The following RASAL3 variants were observed in gnomAD, a reference collection of about 807,000 sequenced individuals.
RASAL3 encodes the protein RAS protein activator like 3.
RASAL3 carries 74 observed loss-of-function variants against 105.5 expected under a neutral mutation model. That is an observed-to-expected ratio of 0.70 (90% CI 0.58 to 0.85). The LOEUF is 0.85. Among genes scored for constraint, RASAL3 ranks in the 40% least tolerant of loss-of-function variants. The pLI, the probability that RASAL3 is intolerant of heterozygous loss-of-function variation, is 0.00. For missense variants in RASAL3, 1,352 were observed against 1,392.0 expected (o/e 0.97, Z 0.46); for synonymous variants, 579 against 591.6 (o/e 0.98, Z 0.31).
intron 8 of RASAL3, chr19:15,458,060 G>A: frequency 3.1e-6 from 2 of 636,346 alleles, no homozygotes; most frequent in Non-Finnish European, 5.4e-6. Context: ...GGGCATACAA[G>A]AGTAGTACTG....
Position 15,460,262 on chromosome 19 carries a change from T to C in RASAL3, c.607-4A>G. The C allele has an allele frequency of 6.2e-7, 1 of 1,605,930 alleles. No individual in the cohort carries two copies. Among genetic ancestry groups the C allele is most frequent in the Admixed American group, 1.7e-5 (1 of 59,114 alleles). ...CTTTCAGCCTCTTGAGCAACCCCTG[T>C]GGGGAAGGGAATGTCAGCTGGACAG... is the stretch of plus-strand genomic sequence containing the variant. On this transcript the variant is annotated splice_region_variant and splice_polypyrimidine_tract_variant and intron_variant, in intron 5 of 17. Transcript: ENST00000343625.
chr19:15,463,371 G>A (rs1599754988), intron 2 of RASAL3, among the ~76,000 whole-genome samples: 1 of 152,094 alleles, frequency 6.6e-6, no homozygotes, highest in Admixed American at 6.5e-5. Context: ...GGGATTACAG[G>A]TGTGAGCCAT....
intron 12 of RASAL3, 30 bp from the exon 13 acceptor site, chr19:15,454,592 G>T (rs538309843): frequency 1.2e-6 from 2 of 1,612,928 alleles, no homozygotes; most frequent in Non-Finnish European, 1.7e-6. Context: ...GGTGGGTCAG[G>T]TCAGGCACCT....
chr19:15,457,914 C>T lies in RASAL3; in HGVS notation c.889-80G>A, dbSNP rs1489166316. 7 of 1,487,312 alleles carry T rather than the reference C, an allele frequency of 4.7e-6. No individual in the cohort carries two copies. In the East Asian group the frequency reaches 1.2e-4, roughly 27 times the overall value. 92.1% of individuals were successfully genotyped at this position (1,487,312 alleles called of 1,614,324 possible). On this transcript the variant is annotated intron_variant, in intron 8 of 17. Transcript: ENST00000343625. This position sits in a 1 kb window ranked among gnomAD's most constrained non-coding sequence, Gnocchi z 8.6. ...AAGGCACCGCAAGTGAAGCGTGGAG[C>T]CTCAAACCTGTTGCGTCGGGTCCCT...
intron 6 of RASAL3, among the ~76,000 whole-genome samples, chr19:15,459,905 A>AC (rs1304181315): frequency 1.3e-5 from 2 of 151,134 alleles, no homozygotes; most frequent in African/African-American, 2.4e-5. Context: ...TGCTTTTTCC[A>AC]CCCCCCTGTT....
chr19:15,457,411 A>T lies in RASAL3; in HGVS notation c.1312T>A (p.Phe438Ile), dbSNP rs1345321380. Reference sequence around the variant, plus strand: ...AGGCGCGCATAGTGGAAGGTGAGGAACTCCGCCAGCTCCTTGTAGCGCTCG... The same window carrying T: ...AGGCGCGCATAGTGGAAGGTGAGGATCTCCGCCAGCTCCTTGTAGCGCTCG... The part of the protein sequence containing the change: ...PSERYKELAE[F>I]LTFHYARLCG... Residue 438 changes from phenylalanine to isoleucine, a missense_variant, in exon 9 of 18, where the codon TTC becomes ATC. This residue lies in a region of RASAL3 where 920 missense variants were observed against 919.6 expected (regional missense o/e 1.00). Coordinates refer to ENST00000343625, the MANE Select transcript of RASAL3 (RefSeq NM_022904.3). The surrounding 1 kb of genome is among the most constrained non-coding windows in gnomAD (Gnocchi z 8.6). 8 of 1,449,156 alleles carry T rather than the reference A, an allele frequency of 5.5e-6. No individual in the cohort carries two copies. The highest frequency in any genetic ancestry group is 6.3e-6 in the Non-Finnish European group (7 of 1,104,952). 89.8% of individuals were successfully genotyped at this position (1,449,156 alleles called of 1,614,324 possible). A position where few individuals can be genotyped will look rare whatever the true frequency, so the allele number is the denominator to read the frequency against.
At position 15,454,521 on chromosome 19, in the gene RASAL3, A is replaced by T. The variant is rs1188853494; in HGVS notation, c.2000T>A (p.Phe667Tyr). Residue 667 changes from phenylalanine to tyrosine, a missense_variant, in exon 13 of 18, where the codon TTC becomes TAC. Phe to Tyr is a conservative substitution (Grantham distance 22). Around this residue, in one of 3 missense-constraint regions of RASAL3, gnomAD observed 920 missense variants for 919.6 expected, o/e 1.00. Coordinates refer to ENST00000343625, the MANE Select transcript of RASAL3 (RefSeq NM_022904.3). ...KEAYMGFMNS[F>Y]LEEHGPAMQC... ...CATGGCTGGTCCATGTTCCTCCAGG[A>T]AGCTATTCATGAAGCCCATGTAGGC... is the stretch of plus-strand genomic sequence containing the variant. 6.2e-7 allele frequency: 1 copy of T among 1,613,958 alleles called. No homozygotes were observed. Among genetic ancestry groups the T allele is most frequent in the Non-Finnish European group, 8.5e-7 (1 of 1,179,886 alleles).
intron 17 of RASAL3, 51 bp from the exon 18 acceptor site, chr19:15,451,989 C>T: frequency 6.2e-7 from 1 of 1,613,796 alleles, no homozygotes; most frequent in Non-Finnish European, 8.5e-7. Flanking sequence ...GGCTGCACCG[C>T]AACCCTTGCT....
rs770241538 is a variant in RASAL3, at chr19:15,464,023, C to A, written c.328+8G>T. On this transcript the variant is annotated splice_region_variant and intron_variant, in intron 2 of 17. Transcript: ENST00000343625. ...CCGGCCCAAGCTCAGGGTGGGGGAA[C>A]CATGTACCTGGGGCCTCCTGCTCCG... The A allele has an allele frequency of 6.5e-6, 10 of 1,541,118 alleles. No individual in the cohort carries two copies. In the South Asian group the frequency reaches 1.1e-4, roughly 17 times the overall value.
In RASAL3 at chr19:15,463,132, C is replaced by T. The variant is rs192653605; in HGVS notation, c.328+899G>A. ...ATGGAGTCTCCCTCTGTCGCCCAGGCGGGAGTGCAGTAGTGCAATCTCAGC... is the reference window on the plus strand; with the variant it reads ...ATGGAGTCTCCCTCTGTCGCCCAGGTGGGAGTGCAGTAGTGCAATCTCAGC... On this transcript the variant is annotated intron_variant, in intron 2 of 17. Coordinates refer to ENST00000343625, the MANE Select transcript of RASAL3 (RefSeq NM_022904.3). 1.3e-3 allele frequency among the ~76,000 whole-genome samples: 200 copies of T among 148,576 alleles called. 1 individual carries two copies. Among genetic ancestry groups the T allele is most frequent in the Non-Finnish European group, 2.3e-3 (158 of 67,352 alleles).
chr19:15,456,049 C>A lies in RASAL3; in HGVS notation c.1721+55G>T. 1 of 1,577,802 alleles carries A rather than the reference C, an allele frequency of 6.3e-7. No individual in the cohort carries two copies. Among genetic ancestry groups the A allele is most frequent in the South Asian group, 1.1e-5 (1 of 88,034 alleles). On this transcript the variant is annotated intron_variant, in intron 11 of 17. Coordinates refer to ENST00000343625, the MANE Select transcript of RASAL3 (RefSeq NM_022904.3). The surrounding 1 kb of genome is among the most constrained non-coding windows in gnomAD (Gnocchi z 4.4). ...TATCTGGCCACCCTAAACTGGAGGT[C>A]GGGGCTAGCATGGTAAGCAGGGGTG...
At position 15,453,170 on chromosome 19, in the gene RASAL3, C is replaced by T. The variant is rs752292289; in HGVS notation, c.2607G>A (p.Gln869=). The change falls in exon 15 of 18, where the codon CAG becomes CAA. Residue 869 remains glutamine, a synonymous_variant. Coordinates refer to ENST00000343625, the MANE Select transcript of RASAL3 (RefSeq NM_022904.3). The surrounding 1 kb of genome is among the most constrained non-coding windows in gnomAD (Gnocchi z 4.2). ...GGTCTTGCGGCTGGTCCATTTGGCG[C>T]TGCCAGGGTACCGACGGCTTCCGAG... ...SLPRKPSVPW[Q]RQMDQPQDRN... 1 of 1,613,368 alleles carries T rather than the reference C, an allele frequency of 6.2e-7. No individual in the cohort carries two copies. Among genetic ancestry groups the T allele is most frequent in the Non-Finnish European group, 8.5e-7 (1 of 1,179,638 alleles).
chr19:15,455,776 C>T (rs954509023), intron 11 of RASAL3, among the ~76,000 whole-genome samples: 1 of 152,188 alleles, frequency 6.6e-6, no homozygotes, highest in Non-Finnish European at 1.5e-5. Flanking sequence ...CCTCCAGCCT[C>T]GGCTGGGAAT....
Position 15,456,988 on chromosome 19 carries a change from C to T in RASAL3, c.1431+304G>A, listed in dbSNP as rs1217113514. On this transcript the variant is annotated intron_variant, in intron 9 of 17. Coordinates refer to ENST00000343625, the MANE Select transcript of RASAL3 (RefSeq NM_022904.3). The surrounding 1 kb of genome is among the most constrained non-coding windows in gnomAD (Gnocchi z 4.4). Reference sequence around the variant, plus strand: ...CTCACAGCTGAAGCTCAGGCCCAGTCCTTCAAGGTGCCCCGCCCCTTACAG... The same window carrying T: ...CTCACAGCTGAAGCTCAGGCCCAGTTCTTCAAGGTGCCCCGCCCCTTACAG... 4.4e-6 allele frequency: 2 copies of T among 452,082 alleles called. No individual in the cohort carries two copies. The highest frequency in any genetic ancestry group is 8.0e-6 in the Non-Finnish European group (2 of 250,948). 28.0% of individuals were successfully genotyped at this position (452,082 alleles called of 1,614,324 possible).
Position 15,458,632 on chromosome 19 carries a change from C to G in RASAL3, c.686G>C (p.Arg229Thr). 1 of 1,613,396 alleles carries G rather than the reference C, an allele frequency of 6.2e-7. No homozygotes were observed. The highest frequency in any genetic ancestry group is 1.7e-4 in the Middle Eastern group (1 of 6,056). The stretch of plus-strand genomic sequence containing the variant: ...TTCAGAGAGTGTGGCCAGCGACTCC[C>G]TAGAGCCCAGAGCACTGGGGGGTCT... Reference protein sequence around the residue: ...RDGPPSALGSRESLATLSELD... With the variant: ...RDGPPSALGSTESLATLSELD... Residue 229 changes from arginine (R) to threonine (T), a missense_variant, in exon 7 of 18, where the codon AGG becomes ACG. Around this residue, in one of 3 missense-constraint regions of RASAL3, gnomAD observed 344 missense variants for 339.6 expected, o/e 1.01. Transcript: ENST00000343625.
Position 15,464,149 on chromosome 19 carries a change from G to T in RASAL3, c.210C>A (p.Val70=), listed in dbSNP as rs1354729543. ...GTGACTCCTTGGGAGGCGCAGATAGGACCCGACGGAATATCGAGCGAGGGG... is the reference window on the plus strand; with the variant it reads ...GTGACTCCTTGGGAGGCGCAGATAGTACCCGACGGAATATCGAGCGAGGGG... ...QPAPRSIFRR[V]LSAPPKESRT... The change falls in exon 2 of 18, where the codon GTC becomes GTA. Residue 70 remains valine (V), a synonymous_variant. Transcript: ENST00000343625. 3 of 1,613,400 alleles carry T rather than the reference G, an allele frequency of 1.9e-6. No individual in the cohort carries two copies. Among genetic ancestry groups the T allele is most frequent in the Non-Finnish European group, 2.5e-6 (3 of 1,179,842 alleles).
chr19:15,453,487 C>T lies in RASAL3; in HGVS notation c.2290G>A (p.Gly764Arg). ...GGGGCCAGGAAGCCGGGCTTCTCCC[C>T]TGCGGAGAGGCTAGGGGTGGGATGG... Reference protein sequence around the residue: ...PAQVHSSLSAGEKPGFLAPRD... With the variant: ...PAQVHSSLSAREKPGFLAPRD... Residue 764 changes from glycine (G) to arginine (R), a missense_variant, in exon 15 of 18, where the codon GGG becomes AGG. Around this residue, in one of 3 missense-constraint regions of RASAL3, gnomAD observed 920 missense variants for 919.6 expected, o/e 1.00. Transcript: ENST00000343625. This position sits in a 1 kb window ranked among gnomAD's most constrained non-coding sequence, Gnocchi z 4.2. 2.6e-6 allele frequency: 4 copies of T among 1,531,496 alleles called. No homozygotes were observed. Among genetic ancestry groups the T allele is most frequent in the Non-Finnish European group, 3.5e-6 (4 of 1,149,564 alleles). The allele number at this position is 1,531,496 out of a possible 1,614,324, so 94.9% of individuals were successfully genotyped here.
At chr19:15,455,580 G>C (rs1352460987) in intron 11 of RASAL3, among the ~76,000 whole-genome samples, 2 of 152,210 alleles carry the variant, frequency 1.3e-5, no homozygotes, top group Non-Finnish European at 2.9e-5. Context: ...AGGGTTGCAT[G>C]GTGATAGGGT....
At chr19:15,452,483 T>C (rs1215412022) in intron 16 of RASAL3, 175 bp downstream of exon 16, 4 of 606,890 alleles carry the variant, frequency 6.6e-6, no homozygotes, top group Non-Finnish European at 8.3e-6. Context: ...GTTGGGTGGG[T>C]CCACCTGGGG....
Sources: gnomAD v4.1 joint callset for allele counts (sites outside exome capture counted in the v4.1 genomes callset) on GRCh38, gnomAD v4.1.1 for gene constraint, gnomAD v4.1.1 regional missense constraint, Gnocchi (gnomAD v3.1) non-coding constraint, MANE v1.5 for transcripts, NCBI Gene and HGNC (gene_info 2026-07-23, HGNC 2026-07-21) for gene names.